The following BATF variants were observed in gnomAD, a reference collection of about 807,000 sequenced individuals.
The protein encoded by BATF is basic leucine zipper transcriptional factor ATF-like.
BATF carries 5 observed loss-of-function variants against 13.7 expected under a neutral mutation model. The observed-to-expected ratio is 0.36, with a 90% CI of 0.19 to 0.77. BATF has a LOEUF of 0.77. Ranked by LOEUF, BATF falls within the 30% of genes least tolerant of loss-of-function variation. The probability of loss-of-function intolerance (pLI) is 0.51; values close to 1 mark genes in which losing one functional copy is unlikely to be tolerated. For synonymous variants in BATF, 72 were observed against 67.5 expected (o/e 1.07, Z -0.33); for missense variants, 124 against 163.0 (o/e 0.76, Z 1.30).
At chr14:75,546,101 A>G (rs1001462589) in intron 2 of BATF, among the ~76,000 whole-genome samples, 16 of 152,144 alleles carry the variant, frequency 1.1e-4, no homozygotes, top group Admixed American at 4.6e-4. Flanking sequence ...ACCTCAGGCA[A>G]TCCGCCCGCC....
chr14:75,530,538 G>T (rs1218759555), intron 2 of BATF, among the ~76,000 whole-genome samples: 1 of 152,182 alleles, frequency 6.6e-6, no homozygotes, highest in African/African-American at 2.4e-5. Context: ...GAATATTGCA[G>T]ATATGTTAAA....
intron 2 of BATF, among the ~76,000 whole-genome samples, chr14:75,539,607 A>T (rs933366929): frequency 1.3e-5 from 2 of 151,882 alleles, no homozygotes; most frequent in African/African-American, 2.4e-5. Flanking sequence ...TCACCCTGTG[A>T]CTAGACAGGT....
chr14:75,526,043 T>G (rs1322932649), intron 2 of BATF, among the ~76,000 whole-genome samples: 1 of 152,228 alleles, frequency 6.6e-6, no homozygotes. Context: ...ACCATCCTAG[T>G]TGAGTTGCCT....
chr14:75,538,772 G>A (rs778459397), intron 2 of BATF, among the ~76,000 whole-genome samples: 29 of 152,184 alleles, frequency 1.9e-4, no homozygotes, highest in Non-Finnish European at 3.7e-4. Flanking sequence ...ATGGTGGCGG[G>A]TGCCCGTAGT....
intron 2 of BATF, among the ~76,000 whole-genome samples, chr14:75,530,794 G>A (rs1043996978): frequency 6.6e-6 from 1 of 152,162 alleles, no homozygotes; most frequent in Non-Finnish European, 1.5e-5. Flanking sequence ...GATTACAGGT[G>A]TGAGCAACAG....
intron 2 of BATF, among the ~76,000 whole-genome samples, chr14:75,527,668 T>C (rs1887672976): frequency 1.3e-5 from 2 of 152,206 alleles, no homozygotes; most frequent in Admixed American, 1.3e-4. Context: ...ATACAAGTCA[T>C]GTGACATTAG....
At chr14:75,530,461 G>C (rs1000042581) in intron 2 of BATF, among the ~76,000 whole-genome samples, 5 of 152,032 alleles carry the variant, frequency 3.3e-5, no homozygotes, top group African/African-American at 1.2e-4. Context: ...TTTCTTATAG[G>C]AAAGACTGAA....
intron 1 of BATF, among the ~76,000 whole-genome samples, chr14:75,523,244 A>G (rs1887602251): frequency 6.6e-6 from 1 of 150,958 alleles, no homozygotes; most frequent in African/African-American, 2.4e-5. Flanking sequence ...AAGAGGAAGA[A>G]GGAGGAGGAG....
intron 2 of BATF, among the ~76,000 whole-genome samples, chr14:75,545,531 G>A (rs892797251): frequency 2.6e-4 from 40 of 151,594 alleles, no homozygotes; most frequent in Non-Finnish European, 5.4e-4. Context: ...CACCGCACCT[G>A]GCCCCATTTA....
At chr14:75,545,388 A>ATTTTTTTTTTTTTTTTT (rs35791450) in intron 2 of BATF, among the ~76,000 whole-genome samples, 2 of 105,216 alleles carry the variant, frequency 1.9e-5, no homozygotes, top group African/African-American at 7.7e-5. Context: ...CGCCTGGTTA[A>ATTTTTTTTTTTTTTTTT]TTTTTTTTTT....
chr14:75,541,338 C>G (rs546563734), intron 2 of BATF, among the ~76,000 whole-genome samples: 1 of 152,148 alleles, frequency 6.6e-6, no homozygotes, highest in Non-Finnish European at 1.5e-5. Context: ...ATAGGGAAAT[C>G]GAGTCACTGA....
At chr14:75,526,081 T>C (rs908789272) in intron 2 of BATF, among the ~76,000 whole-genome samples, 4 of 152,230 alleles carry the variant, frequency 2.6e-5, no homozygotes, top group Admixed American at 1.3e-4. Flanking sequence ...TAGAGAAAGC[T>C]TTTACCTCTG....
chr14:75,536,406 G>A (rs1249652785), intron 2 of BATF, among the ~76,000 whole-genome samples: 1 of 152,114 alleles, frequency 6.6e-6, no homozygotes, highest in Non-Finnish European at 1.5e-5. Context: ...AAGACCATAA[G>A]GGAGTGAGGA....
At chr14:75,523,766 A>G (rs1221683117) in intron 1 of BATF, among the ~76,000 whole-genome samples, 1 of 152,190 alleles carries the variant, frequency 6.6e-6, no homozygotes, top group East Asian at 1.9e-4. Context: ...AAGTATATAA[A>G]TATTGAACAG....
chr14:75,532,256 A>G (rs1887745226), intron 2 of BATF, among the ~76,000 whole-genome samples: 1 of 152,008 alleles, frequency 6.6e-6, no homozygotes, highest in Admixed American at 6.6e-5. Context: ...TCCCTAACCT[A>G]TATTTTCCTT....
chr14:75,530,291 G>A (rs1243429583), intron 2 of BATF, among the ~76,000 whole-genome samples: 1 of 152,132 alleles, frequency 6.6e-6, no homozygotes, highest in Admixed American at 6.5e-5. Context: ...GCTAGTAGTA[G>A]AGTCTGCATA....
At chr14:75,542,564 C>T (rs1227174243) in intron 2 of BATF, among the ~76,000 whole-genome samples, 1 of 152,226 alleles carries the variant, frequency 6.6e-6, no homozygotes, top group Non-Finnish European at 1.5e-5. Context: ...GCATGACTGC[C>T]CCAAGGAGGG....
At chr14:75,526,094 T>C (rs1380625678) in intron 2 of BATF, among the ~76,000 whole-genome samples, 7 of 152,232 alleles carry the variant, frequency 4.6e-5, no homozygotes, top group Non-Finnish European at 1.0e-4. Context: ...TACCTCTGTC[T>C]TGAGTGGTCC....
intron 2 of BATF, among the ~76,000 whole-genome samples, chr14:75,543,241 A>G (rs1056597610): frequency 6.6e-6 from 1 of 152,222 alleles, no homozygotes; most frequent in Admixed American, 6.5e-5. Flanking sequence ...ACCTTGCAGA[A>G]GGCAGGGCTG....
Sources: gnomAD v4.1 joint callset for allele counts (sites outside exome capture counted in the v4.1 genomes callset) on GRCh38, gnomAD v4.1.1 for gene constraint, MANE v1.5 for transcripts, NCBI Gene and HGNC (gene_info 2026-07-23, HGNC 2026-07-21) for gene names.